Variants in CTNNA2 observed in about 807,000 individuals in gnomAD.
CTNNA2 encodes catenin alpha-2.
Under a neutral mutation model 101.0 loss-of-function variants are expected in CTNNA2, and 42 were observed. The ratio of observed to expected loss-of-function variants is 0.42; its 90% CI spans 0.32 to 0.54. The LOEUF is 0.54. Ranked by LOEUF, CTNNA2 falls within the 20% of genes least tolerant of loss-of-function variation. CTNNA2 has a pLI of 0.14. For synonymous variants in CTNNA2, 450 were observed against 456.4 expected (o/e 0.99, Z 0.18); for missense variants, 871 against 1,223.1 (o/e 0.71, Z 4.29).
chr2:79,759,247 G>A (rs1672611391), intron 3 of CTNNA2, among the ~76,000 whole-genome samples: 1 of 152,002 alleles, frequency 6.6e-6, no homozygotes, highest in Non-Finnish European at 1.5e-5. Flanking sequence ...CAAAAAATTA[G>A]CCAGGCACGA....
chr2:79,432,639 CTT>C (rs1326105620), intron 4 of CTNNA2, among the ~76,000 whole-genome samples: 2 of 152,128 alleles, frequency 1.3e-5, no homozygotes, highest in Non-Finnish European at 2.9e-5. Flanking sequence ...ATCTGGGAAA[CTT>C]TCACATTTAA....
chr2:79,202,327 GTT>G (rs1344836637), intron 2 of CTNNA2, among the ~76,000 whole-genome samples: 1 of 129,432 alleles, frequency 7.7e-6, no homozygotes, highest in Non-Finnish European at 1.7e-5. Context: ...CCACACACTT[GTT>G]TTTTTATTTT....
intron 6 of CTNNA2, among the ~76,000 whole-genome samples, chr2:79,882,690 A>G (rs1010353535): frequency 1.3e-5 from 2 of 152,186 alleles, no homozygotes; most frequent in Non-Finnish European, 2.9e-5. Flanking sequence ...AAGGAGCATA[A>G]ATGGCTTAGA....
At chr2:79,955,464 C>T (rs951101749) in intron 7 of CTNNA2, among the ~76,000 whole-genome samples, 7 of 152,164 alleles carry the variant, frequency 4.6e-5, no homozygotes, top group Admixed American at 6.5e-5. Flanking sequence ...GAGAAGACCA[C>T]GGTAACAGGG....
At chr2:80,518,093 C>T (rs73941160) in intron 9 of CTNNA2, among the ~76,000 whole-genome samples, 73 of 152,294 alleles carry the variant, frequency 4.8e-4, no homozygotes, top group African/African-American at 1.7e-3. Flanking sequence ...CACTCAAAGA[C>T]ATTTATATTA....
At chr2:80,221,162 C>T (rs1002095824) in intron 7 of CTNNA2, among the ~76,000 whole-genome samples, 12 of 152,188 alleles carry the variant, frequency 7.9e-5, no homozygotes, top group Admixed American at 3.3e-4. Flanking sequence ...GGATTACAGG[C>T]GTGAGCCACC....
chr2:79,213,770 A>G (rs1391152386), intron 2 of CTNNA2, among the ~76,000 whole-genome samples: 1 of 152,220 alleles, frequency 6.6e-6, no homozygotes, highest in Non-Finnish European at 1.5e-5. Flanking sequence ...GAAACTCAAC[A>G]AAGAGTGAGT....
Position 80,436,011 on chromosome 2 carries a change from T to C in CTNNA2, c.1290+16410T>C, listed in dbSNP as rs1681993365. On this transcript the variant is annotated intron_variant, in intron 9 of 18. Coordinates refer to ENST00000402739, the MANE Select transcript of CTNNA2 (RefSeq NM_001282597.3). ...CTGCTTAATTTTTTAAATGAAAAGATAGTAAGAATGCAGGATATTTCTAAG... is the reference window on the plus strand; with the variant it reads ...CTGCTTAATTTTTTAAATGAAAAGACAGTAAGAATGCAGGATATTTCTAAG... Among the ~76,000 whole-genome samples, 5 of 152,302 alleles carry C rather than the reference T, an allele frequency of 3.3e-5. No individual in the cohort carries two copies. In the South Asian group the frequency reaches 1.0e-3, roughly 32 times the overall value.
intron 2 of CTNNA2, among the ~76,000 whole-genome samples, chr2:79,228,396 C>T (rs868079280): frequency 1.9e-4 from 29 of 152,290 alleles, no homozygotes; most frequent in Middle Eastern, 3.4e-3. Context: ...CCCTTCTCTC[C>T]GCAGCCTTGC....
intron 7 of CTNNA2, among the ~76,000 whole-genome samples, chr2:80,315,622 G>A (rs959435510): frequency 1.3e-5 from 2 of 152,172 alleles, no homozygotes; most frequent in South Asian, 4.1e-4. Flanking sequence ...GTCCCAGTGC[G>A]CAAACACTTT....
intron 7 of CTNNA2, among the ~76,000 whole-genome samples, chr2:80,261,561 C>T (rs1441359186): frequency 1.3e-5 from 2 of 151,980 alleles, no homozygotes; most frequent in East Asian, 3.9e-4. Flanking sequence ...TAAAAAATGT[C>T]GCTGAAATGG....
intron 7 of CTNNA2, among the ~76,000 whole-genome samples, chr2:80,160,506 T>G (rs1429337203): frequency 6.6e-6 from 1 of 152,200 alleles, no homozygotes; most frequent in Admixed American, 6.5e-5. Flanking sequence ...ATTCTGTGTA[T>G]GTTTTATTGG....
At chr2:80,433,726 T>C (rs528012971) in intron 9 of CTNNA2, among the ~76,000 whole-genome samples, 1 of 152,306 alleles carries the variant, frequency 6.6e-6, no homozygotes, top group Non-Finnish European at 1.5e-5. Context: ...TCACAGACTC[T>C]GTCTGACCTT....
intron 7 of CTNNA2, among the ~76,000 whole-genome samples, chr2:79,974,863 G>C (rs997303011): frequency 2.6e-5 from 4 of 152,118 alleles, no homozygotes; most frequent in Non-Finnish European, 4.4e-5. Flanking sequence ...GCGTAGGAGG[G>C]GTAAAGACTG....
intron 2 of CTNNA2, chr2:79,687,754 T>C (rs1684033683): frequency 4.1e-6 from 2 of 490,748 alleles, no homozygotes; most frequent in South Asian, 6.2e-5. Context: ...TATCCCAAAA[T>C]GCTGAAAATT....
chr2:80,556,660 G>C (rs765313274), intron 12 of CTNNA2, among the ~76,000 whole-genome samples: 32 of 152,240 alleles, frequency 2.1e-4, no homozygotes, highest in Non-Finnish European at 4.3e-4. Context: ...GTTTTTAGTA[G>C]TTCTCCCCTC....
At chr2:79,915,338 T>C (rs955866959) in intron 7 of CTNNA2, among the ~76,000 whole-genome samples, 4 of 139,670 alleles carry the variant, frequency 2.9e-5, no homozygotes, top group Admixed American at 7.4e-5. Flanking sequence ...CACATTACAC[T>C]TTGCTTATTT....
chr2:80,614,775 T>C (rs549065889), intron 17 of CTNNA2, among the ~76,000 whole-genome samples: 1 of 151,538 alleles, frequency 6.6e-6, no homozygotes, highest in African/African-American at 2.4e-5. Context: ...CAGTTTTGGA[T>C]CTGTAAGAGC....
intron 3 of CTNNA2, among the ~76,000 whole-genome samples, chr2:79,789,664 G>C (rs1002083652): frequency 1.3e-5 from 2 of 152,066 alleles, no homozygotes; most frequent in African/African-American, 2.4e-5. Context: ...GTAGTGCAAA[G>C]GACAAACACG....
Sources: gnomAD v4.1 joint callset for allele counts (sites outside exome capture counted in the v4.1 genomes callset) on GRCh38, gnomAD v4.1.1 for gene constraint, MANE v1.5 for transcripts, NCBI Gene and HGNC (gene_info 2026-07-23, HGNC 2026-07-21) for gene names.